Variants in PTPRM observed in about 807,000 individuals in gnomAD.
PTPRM encodes the protein protein tyrosine phosphatase receptor type M.
Under a neutral mutation model 186.7 loss-of-function variants are expected in PTPRM, and 47 were observed. The ratio of observed to expected loss-of-function variants is 0.25; its 90% confidence interval spans 0.20 to 0.32. PTPRM has a LOEUF of 0.32. Among genes scored for constraint, PTPRM ranks in the 10% least tolerant of loss-of-function variants. The pLI is 1.00. For synonymous variants in PTPRM, 668 were observed against 674.9 expected (o/e 0.99, Z 0.16); for missense variants, 1,494 against 1,865.0 (o/e 0.80, Z 3.66).
At chr18:7,985,802 A>G (rs1340652350) in intron 7 of PTPRM, among the ~76,000 whole-genome samples, 3 of 152,008 alleles carry the variant, frequency 2.0e-5, no homozygotes, top group African/African-American at 7.2e-5. Flanking sequence ...ATTATTGATG[A>G]TAGTCACCCT....
intron 2 of PTPRM, among the ~76,000 whole-genome samples, chr18:7,794,388 G>C (rs940479191): frequency 6.6e-6 from 1 of 152,162 alleles, no homozygotes; most frequent in Non-Finnish European, 1.5e-5. Flanking sequence ...GATTGGAGCA[G>C]TGGGGCACTG....
rs1169222835 is a variant in PTPRM at position 7,668,454 on chromosome 18, TGG to T, written c.73+100564_73+100565del. ...ACATTTTTGTTGGATATTCCCTGCT[TGG>T]CCCCTTGACTCCTAGAGAAGAATCC... On this transcript the variant is annotated intron_variant, in intron 1 of 32. Transcript: ENST00000580170. The surrounding 1 kb of genome is among the most constrained non-coding windows in gnomAD (Gnocchi z 4.7). 1.3e-5 allele frequency among the ~76,000 whole-genome samples: 2 copies of T among 152,252 alleles called. No individual in the cohort carries two copies. The highest frequency in any genetic ancestry group is 4.8e-5 in the African/African-American group (2 of 41,476).
chr18:7,838,134 T>A (rs1040345206), intron 2 of PTPRM, among the ~76,000 whole-genome samples: 3 of 152,114 alleles, frequency 2.0e-5, no homozygotes, highest in African/African-American at 7.2e-5. Context: ...CAGGTACACA[T>A]GGCTGGGGAG....
chr18:8,302,964 T>C (rs1425255757), intron 20 of PTPRM, among the ~76,000 whole-genome samples: 1 of 152,126 alleles, frequency 6.6e-6, no homozygotes, highest in Non-Finnish European at 1.5e-5. Context: ...GACAGTTCTG[T>C]AGACTGCTGT....
chr18:7,795,841 G>T (rs1433603990), intron 2 of PTPRM, among the ~76,000 whole-genome samples: 2 of 140,556 alleles, frequency 1.4e-5, no homozygotes, highest in South Asian at 2.2e-4. Flanking sequence ...GAGAGACAGG[G>T]TCTTGTTCTG....
At chr18:8,154,573 A>T (rs1269696201) in intron 14 of PTPRM, 2 of 152,206 alleles carry the variant, frequency 1.3e-5, no homozygotes, top group African/African-American at 2.4e-5. Flanking sequence ...ACACTGGAAA[A>T]TTGCTTGACA....
At chr18:7,894,944 A>G (rs2049275029) in intron 3 of PTPRM, among the ~76,000 whole-genome samples, 1 of 152,232 alleles carries the variant, frequency 6.6e-6, no homozygotes, top group East Asian at 1.9e-4. Context: ...TTCATGCAGT[A>G]CTTTATTTCT....
chr18:7,832,079 A>C (rs1204445332), intron 2 of PTPRM, among the ~76,000 whole-genome samples: 1 of 152,170 alleles, frequency 6.6e-6, no homozygotes, highest in Non-Finnish European at 1.5e-5. Flanking sequence ...GGAGTGCTGC[A>C]ACAAACATGG....
chr18:8,315,765 G>T (rs982011427), intron 21 of PTPRM, among the ~76,000 whole-genome samples: 9 of 152,134 alleles, frequency 5.9e-5, no homozygotes, highest in African/African-American at 1.9e-4. Flanking sequence ...CAATCTCTAA[G>T]AAAGTTATCT....
chr18:8,270,336 C>G (rs1478120668), intron 19 of PTPRM: 1 of 151,864 alleles, frequency 6.6e-6, no homozygotes, highest in Non-Finnish European at 1.5e-5. Context: ...TGATTAACAT[C>G]ACTAATCATC....
chr18:7,698,779 C>T (rs1348913442), intron 1 of PTPRM, among the ~76,000 whole-genome samples: 2 of 152,168 alleles, frequency 1.3e-5, no homozygotes, highest in African/African-American at 4.8e-5. Flanking sequence ...TTTTCGTTTT[C>T]TCCATTCTGG....
intron 22 of PTPRM, among the ~76,000 whole-genome samples, chr18:8,343,069 A>C (rs1001712126): frequency 3.9e-5 from 6 of 152,252 alleles, no homozygotes; most frequent in African/African-American, 1.2e-4. Flanking sequence ...AATTGTTAGC[A>C]GAAAGAGTAA....
chr18:7,772,349 C>CCCTTTCTTTCTT (rs2042323760), intron 1 of PTPRM, among the ~76,000 whole-genome samples: 13 of 96,034 alleles, frequency 1.4e-4, no homozygotes, highest in Non-Finnish European at 2.6e-4. Context: ...TTCTTTCTTT[C>CCCTTTCTTTCTT]TCTTTCTTTC....
At chr18:7,717,762 C>A (rs911735478) in intron 1 of PTPRM, among the ~76,000 whole-genome samples, 2 of 152,194 alleles carry the variant, frequency 1.3e-5, no homozygotes, top group African/African-American at 2.4e-5. Context: ...TTTGCCCCTG[C>A]CTGTGCTAAA....
intron 7 of PTPRM, among the ~76,000 whole-genome samples, chr18:8,033,207 T>C (rs150839714): frequency 2.4e-4 from 37 of 152,240 alleles, no homozygotes; most frequent in African/African-American, 8.9e-4. Context: ...AATATAAAAC[T>C]GGGCAAAGGA....
intron 21 of PTPRM, among the ~76,000 whole-genome samples, chr18:8,317,280 T>C (rs979925056): frequency 7.9e-5 from 12 of 152,004 alleles, no homozygotes; most frequent in African/African-American, 2.4e-5. Flanking sequence ...GCAGATTGGC[T>C]ACGGGGTTCA....
intron 20 of PTPRM, among the ~76,000 whole-genome samples, chr18:8,308,869 A>C (rs2095246562): frequency 6.6e-6 from 1 of 152,232 alleles, no homozygotes; most frequent in Non-Finnish European, 1.5e-5. Context: ...TGTGCTCAGT[A>C]ACTAGTGTGG....
At position 7,724,143 on chromosome 18, in the gene PTPRM, C is replaced by T. The variant is rs190870190; in HGVS notation, c.74-50006C>T. On this transcript the variant is annotated intron_variant, in intron 1 of 32. Coordinates refer to ENST00000580170, the MANE Select transcript of PTPRM (RefSeq NM_001105244.2). Reference sequence around the variant, plus strand: ...AGTGTGATTCTCAAGGGTCAGGTGTCGTGTCTTGCATATAGTTGTCACTTA... The same window carrying T: ...AGTGTGATTCTCAAGGGTCAGGTGTTGTGTCTTGCATATAGTTGTCACTTA... 1.5e-3 allele frequency among the ~76,000 whole-genome samples: 224 copies of T among 151,924 alleles called. 1 individual carries two copies. Among genetic ancestry groups the T allele is most frequent in the African/African-American group, 4.8e-3 (200 of 41,420 alleles).
intron 4 of PTPRM, among the ~76,000 whole-genome samples, chr18:7,921,341 C>A (rs1355232383): frequency 6.6e-6 from 1 of 150,992 alleles, no homozygotes; most frequent in Non-Finnish European, 1.5e-5. Context: ...CTGATTGTTT[C>A]CTCTGCTTGA....
Sources: allele counts gnomAD v4.1 joint callset (sites outside exome capture counted in the v4.1 genomes callset), GRCh38; gene constraint gnomAD v4.1.1; non-coding constraint Gnocchi (gnomAD v3.1); transcripts MANE v1.5; gene names NCBI Gene and HGNC (gene_info 2026-07-23, HGNC 2026-07-21).